TAX1BP1: variants seen among roughly 807,000 people sequenced by gnomAD.
TAX1BP1 encodes tax1-binding protein 1.
In TAX1BP1, 62 loss-of-function variants were observed where a neutral mutation model predicts 97.7. The observed-to-expected ratio is 0.63, with a 90% CI of 0.52 to 0.78. The LOEUF (loss-of-function observed/expected upper bound fraction) is 0.78. Ranked by LOEUF, TAX1BP1 falls within the 30% of genes least tolerant of loss-of-function variation. The pLI is 0.00. For synonymous variants in TAX1BP1, 340 were observed against 304.2 expected, an observed-to-expected ratio of 1.12 and a Z score of -1.23; for missense variants, 867 against 916.1, an observed-to-expected ratio of 0.95 and a Z score of 0.69.
rs538832099 is a variant in TAX1BP1 at position 27,821,730 on chromosome 7, T to A, written c.2085+4692T>A. 4.6e-5 allele frequency among the ~76,000 whole-genome samples: 7 copies of A among 152,202 alleles called. No individual in the cohort carries two copies. The East Asian group carries it at 1.3e-3, about 29-fold the overall frequency. On this transcript the variant is annotated intron_variant, in intron 15 of 16. Transcript: ENST00000396319. ...CATTTAAAGTATACAATTTAGTGGT[T>A]TTTAATGTATTCACAGAGCTGTGCA... is the stretch of plus-strand genomic sequence containing the variant.
chr7:27,772,231 A>G (rs1240984865), intron 5 of TAX1BP1: 4 of 151,976 alleles, frequency 2.6e-5, no homozygotes, highest in Non-Finnish European at 5.9e-5. Context: ...GGGCAGCTAC[A>G]ACTCCAGACT....
At chr7:27,778,964 A>G (rs908028002) in intron 5 of TAX1BP1, among the ~76,000 whole-genome samples, 9 of 152,092 alleles carry the variant, frequency 5.9e-5, no homozygotes, top group African/African-American at 2.2e-4. Flanking sequence ...TCATCCTGCA[A>G]AGAAACCTTG....
chr7:27,822,881 C>G (rs913370118), intron 15 of TAX1BP1, among the ~76,000 whole-genome samples: 1 of 152,010 alleles, frequency 6.6e-6, no homozygotes, highest in African/African-American at 2.4e-5. Context: ...TTAATTTACT[C>G]GTATGTTTTC....
intron 13 of TAX1BP1, among the ~76,000 whole-genome samples, chr7:27,807,379 C>T (rs573198399): frequency 6.6e-6 from 1 of 152,182 alleles, no homozygotes; most frequent in African/African-American, 2.4e-5. Flanking sequence ...GGATCCAATC[C>T]ATGATCATAC....
At chr7:27,758,249 GT>G in intron 3 of TAX1BP1, 116 bp downstream of exon 3, 1 of 692,480 alleles carries the variant, frequency 1.4e-6, no homozygotes, top group Non-Finnish European at 2.4e-6. Flanking sequence ...AGTTGAATTA[GT>G]TAGTGTCTTT....
chr7:27,750,642 G>A (rs1374094493), intron 2 of TAX1BP1, among the ~76,000 whole-genome samples: 1 of 152,128 alleles, frequency 6.6e-6, no homozygotes, highest in African/African-American at 2.4e-5. Flanking sequence ...GAAGGACAGT[G>A]GGAAGTCTTT....
chr7:27,782,697 A>G (rs1200589251), intron 5 of TAX1BP1, among the ~76,000 whole-genome samples: 1 of 152,222 alleles, frequency 6.6e-6, no homozygotes, highest in Non-Finnish European at 1.5e-5. Flanking sequence ...GTGATATTTG[A>G]TTTAAAATCT....
chr7:27,817,116 A>G (rs757418175), intron 15 of TAX1BP1, 78 bp downstream of exon 15: 181 of 1,516,606 alleles, frequency 1.2e-4, no homozygotes, highest in Non-Finnish European at 1.5e-4. Context: ...GTATGTGTGC[A>G]TATGTGTATC....
rs1253795655 is a variant in TAX1BP1 at position 27,769,918 on chromosome 7, A to T, written c.612+84A>T. Reference sequence around the variant, plus strand: ...TTTTAAAGAGCTGAACCAATTAAGTAAGTGAAAACCAGGTACTGAGAAAAG... The same window carrying T: ...TTTTAAAGAGCTGAACCAATTAAGTTAGTGAAAACCAGGTACTGAGAAAAG... On this transcript the variant is annotated intron_variant, in intron 5 of 16. Coordinates refer to ENST00000396319, the MANE Select transcript of TAX1BP1 (RefSeq NM_006024.7). The T allele has an allele frequency of 4.4e-6, 6 of 1,364,254 alleles. No individual in the cohort carries two copies. In the African/African-American group the frequency reaches 8.8e-5, roughly 20 times the overall value. The allele number at this position is 1,364,254 out of a possible 1,614,324, so 84.5% of individuals were successfully genotyped here.
intron 7 of TAX1BP1, among the ~76,000 whole-genome samples, chr7:27,786,206 A>G (rs1236515799): frequency 1.4e-5 from 2 of 145,644 alleles, no homozygotes; most frequent in African/African-American, 5.2e-5. Flanking sequence ...ATCTCGGCCC[A>G]CTGCAAGCTC....
chr7:27,816,820 C>A (rs1790784639), intron 14 of TAX1BP1, 70 bp from the exon 15 acceptor site: 1 of 1,497,180 alleles, frequency 6.7e-7, no homozygotes. Context: ...TCCTGTTCAT[C>A]ATATCTGTAT....
intron 4 of TAX1BP1, among the ~76,000 whole-genome samples, chr7:27,769,437 G>T (rs1788762192): frequency 6.6e-6 from 1 of 151,876 alleles, no homozygotes; most frequent in South Asian, 2.1e-4. Context: ...TCATAATACA[G>T]TTCTCTCATT....
chr7:27,750,794 T>A (rs1329386422), intron 2 of TAX1BP1, among the ~76,000 whole-genome samples: 2 of 152,210 alleles, frequency 1.3e-5, no homozygotes, highest in Non-Finnish European at 2.9e-5. Flanking sequence ...ATCCAAACAA[T>A]CAGTTCTAAC....
At chr7:27,789,340 T>G (rs1453394392) in intron 8 of TAX1BP1, among the ~76,000 whole-genome samples, 1 of 152,022 alleles carries the variant, frequency 6.6e-6, no homozygotes, top group East Asian at 1.9e-4. Context: ...TGTAAAACAG[T>G]TGCTTTGTTC....
intron 1 of TAX1BP1, among the ~76,000 whole-genome samples, chr7:27,742,732 C>T (rs943584119): frequency 1.6e-4 from 25 of 152,148 alleles, no homozygotes; most frequent in Admixed American, 1.3e-4. Context: ...TTCCAAAGTG[C>T]TGGGATTACA....
intron 15 of TAX1BP1, among the ~76,000 whole-genome samples, chr7:27,824,621 A>G (rs945189321): frequency 2.0e-5 from 3 of 152,064 alleles, no homozygotes; most frequent in Non-Finnish European, 4.4e-5. Context: ...ATAAGAAAAC[A>G]AGAATGTTTT....
Position 27,816,999 on chromosome 7 carries a change from T to C in TAX1BP1, c.2046T>C (p.Phe682=), listed in dbSNP as rs767983526. ...TCTGCAGCCAGCCTGCTCGAAACTT[T>C]AGTCGGCCTGATGGCTTAGAGGACT... ...NVVCSQPARN[F]SRPDGLEDSE... The change falls in exon 15 of 17, where the codon TTT becomes TTC. Residue 682 remains phenylalanine (F), a synonymous_variant. Coordinates refer to ENST00000396319, the MANE Select transcript of TAX1BP1 (RefSeq NM_006024.7). 1.9e-6 allele frequency: 3 copies of C among 1,614,058 alleles called. No individual in the cohort carries two copies. Among genetic ancestry groups the C allele is most frequent in the Middle Eastern group, 1.7e-4 (1 of 6,056 alleles).
intron 7 of TAX1BP1, among the ~76,000 whole-genome samples, chr7:27,787,179 G>A (rs775942151): frequency 6.6e-6 from 1 of 152,150 alleles, no homozygotes; most frequent in African/African-American, 2.4e-5. Context: ...TAGAGATCAG[G>A]TGATGTTGTT....
intron 11 of TAX1BP1, 144 bp downstream of exon 11, chr7:27,794,590 G>T (rs1250265439): frequency 1.3e-5 from 11 of 834,024 alleles, no homozygotes; most frequent in Admixed American, 3.0e-5. Context: ...GAAAATAAGG[G>T]TATAAATGTA....
Sources: gnomAD v4.1 joint callset for allele counts (sites outside exome capture counted in the v4.1 genomes callset) on GRCh38, gnomAD v4.1.1 for gene constraint, MANE v1.5 for transcripts, NCBI Gene and HGNC (gene_info 2026-07-23, HGNC 2026-07-21) for gene names.